The following VAPB variants were observed in gnomAD, a reference collection of about 807,000 sequenced individuals.
VAPB encodes the protein vesicle-associated membrane protein-associated protein B/C.
VAPB carries 7 observed loss-of-function variants against 25.6 expected under a neutral mutation model. The ratio of observed to expected loss-of-function variants is 0.27; its 90% CI spans 0.16 to 0.51. The LOEUF (loss-of-function observed/expected upper bound fraction) is 0.51. Among genes scored for constraint, VAPB ranks in the 20% least tolerant of loss-of-function variants. The pLI is 0.97. For missense variants in VAPB, 266 were observed against 301.3 expected, an observed-to-expected ratio of 0.88 and a Z score of 0.87; for synonymous variants, 112 against 109.2, an observed-to-expected ratio of 1.03 and a Z score of -0.16.
chr20:58,399,215 G>A (rs1221423172), intron 1 of VAPB, among the ~76,000 whole-genome samples: 1 of 151,836 alleles, frequency 6.6e-6, no homozygotes, highest in South Asian at 2.1e-4. Context: ...CAGGAGAACC[G>A]CTTCAGCTGG....
intron 1 of VAPB, among the ~76,000 whole-genome samples, chr20:58,403,094 G>A (rs764630997): frequency 5.3e-5 from 8 of 152,190 alleles, no homozygotes; most frequent in Non-Finnish European, 7.3e-5. Context: ...GGCAGGGCCC[G>A]TTATGTACAG....
At chr20:58,440,709 CA>C (rs1989140507) in intron 4 of VAPB, 197 bp from the exon 5 acceptor site, 1 of 517,650 alleles carries the variant, frequency 1.9e-6, no homozygotes, top group East Asian at 3.6e-5. Flanking sequence ...TGCCCTTATC[CA>C]TAATTTCTAG....
Position 58,446,357 on chromosome 20 carries a change from C to G in VAPB, c.*2122C>G, listed in dbSNP as rs768257969. ...TCCTGTAGCTTCCAGGCCCTCATGT[C>G]TTTGATAGGAGAGTGCTTAGGTGGT... On this transcript the variant is annotated 3_prime_UTR_variant, in exon 6 of 6. Transcript: ENST00000475243. The G allele has an allele frequency of 1.1e-5, 5 of 453,952 alleles. No homozygotes were observed. The highest frequency in any genetic ancestry group is 7.8e-5 in the South Asian group (5 of 64,474). 28.1% of individuals were successfully genotyped at this position (453,952 alleles called of 1,614,324 possible).
At chr20:58,389,635 G>C in intron 1 of VAPB, 118 bp downstream of exon 1, 1 of 1,152,172 alleles carries the variant, frequency 8.7e-7, no homozygotes, top group Non-Finnish European at 1.1e-6. Context: ...CGCTGTCGCG[G>C]GGGGCGGCGA....
At chr20:58,401,995 C>G (rs921346824) in intron 1 of VAPB, among the ~76,000 whole-genome samples, 1 of 152,190 alleles carries the variant, frequency 6.6e-6, no homozygotes, top group Admixed American at 6.5e-5. Context: ...CTGTAATAGC[C>G]TCTTAACTGG....
intron 2 of VAPB, among the ~76,000 whole-genome samples, chr20:58,423,452 A>G (rs1424749988): frequency 2.7e-5 from 4 of 146,156 alleles, no homozygotes; most frequent in African/African-American, 1.0e-4. Context: ...AAAAAAAAGA[A>G]AAGAAAAATC....
chr20:58,396,401 T>G lies in VAPB; in HGVS notation c.58+6884T>G, dbSNP rs549816188. On this transcript the variant is annotated intron_variant, in intron 1 of 5. Coordinates refer to ENST00000475243, the MANE Select transcript of VAPB (RefSeq NM_004738.5). ...CTTTGCCCATCTGGGAAGTGGAGACTAGGGCAATAAATGTTTTAGGGGTAG... is the reference window on the plus strand; with the variant it reads ...CTTTGCCCATCTGGGAAGTGGAGACGAGGGCAATAAATGTTTTAGGGGTAG... 9.2e-5 allele frequency among the ~76,000 whole-genome samples: 14 copies of G among 152,350 alleles called. 1 individual carries two copies. Among genetic ancestry groups the G allele is most frequent in the African/African-American group, 3.4e-4 (14 of 41,586 alleles).
rs1485733948 is a variant in VAPB at position 58,447,715 on chromosome 20, C to T, written c.*3480C>T. The T allele has an allele frequency of 4.4e-6, 2 of 453,874 alleles. No homozygotes were observed. Among genetic ancestry groups the T allele is most frequent in the Admixed American group, 4.7e-5 (2 of 42,574 alleles). The allele number at this position is 453,874 out of a possible 1,614,324, so 28.1% of individuals were successfully genotyped here. A position where few individuals can be genotyped will look rare whatever the true frequency, so the allele number is the denominator to read the frequency against. On this transcript the variant is annotated 3_prime_UTR_variant, in exon 6 of 6. Coordinates refer to ENST00000475243, the MANE Select transcript of VAPB (RefSeq NM_004738.5). ...TATGTGCCGTATGTCAGTAGCTTGA[C>T]AGTTTTCAAATCGTGCCTATATTTT...
chr20:58,431,084 A>T (rs997088484), intron 2 of VAPB: 37 of 152,230 alleles, frequency 2.4e-4, no homozygotes, highest in African/African-American at 8.4e-4. Context: ...CCAAAACTTG[A>T]CAAGTGTTAC....
intron 4 of VAPB, 106 bp downstream of exon 4, chr20:58,439,131 A>T (rs1456442614): frequency 2.8e-6 from 3 of 1,080,678 alleles, no homozygotes; most frequent in Non-Finnish European, 4.1e-6. Flanking sequence ...ATTTTCCTTT[A>T]TCTGATGTCT....
chr20:58,391,249 T>A (rs1987788132), intron 1 of VAPB, among the ~76,000 whole-genome samples: 1 of 152,196 alleles, frequency 6.6e-6, no homozygotes, highest in South Asian at 2.1e-4. Flanking sequence ...AGCCAAGTTA[T>A]ATCAGCTGTA....
At chr20:58,417,102 A>G (rs1428430974) in intron 1 of VAPB, among the ~76,000 whole-genome samples, 2 of 152,250 alleles carry the variant, frequency 1.3e-5, no homozygotes. Context: ...AGAGTAAAGG[A>G]CTTGCCTAGA....
At chr20:58,435,849 A>G (rs1009883253) in intron 3 of VAPB, among the ~76,000 whole-genome samples, 2 of 152,234 alleles carry the variant, frequency 1.3e-5, no homozygotes, top group African/African-American at 4.8e-5. Flanking sequence ...TGATCAAAGA[A>G]ACATGGCAGA....
rs747454737 is a variant in VAPB at position 58,418,180 on chromosome 20, A to AC, written c.59-26dup. 5.0e-6 allele frequency: 8 copies of AC among 1,613,780 alleles called. No individual in the cohort carries two copies. In the Admixed American group the frequency reaches 6.7e-5, roughly 13 times the overall value. The stretch of plus-strand genomic sequence containing the variant: ...AAACCTTCTAAACTTTCCTCATGAG[A>AC]CCCCCAATCAGTCTCTGTCTCATTC... On this transcript the variant is annotated intron_variant, in intron 1 of 5. Coordinates refer to ENST00000475243, the MANE Select transcript of VAPB (RefSeq NM_004738.5).
intron 4 of VAPB, 141 bp downstream of exon 4, chr20:58,439,166 A>G (rs1459756225): frequency 1.3e-6 from 1 of 769,112 alleles, no homozygotes; most frequent in East Asian, 2.7e-5. Flanking sequence ...AGCTGAAGTC[A>G]GCAAATAAGT....
chr20:58,420,818 G>T lies in VAPB; in HGVS notation c.211+2455G>T, dbSNP rs138258677. 2.2e-3 allele frequency among the ~76,000 whole-genome samples: 329 copies of T among 152,316 alleles called. 4 individuals carry two copies. The highest frequency in any genetic ancestry group is 0.015 in the South Asian group (73 of 4,828). ...TAGGACAGCCTTGCAAGTCAGCAAAGGAGGCCAGCCCCATTTGCTGCAGTT... is the reference window on the plus strand; with the variant it reads ...TAGGACAGCCTTGCAAGTCAGCAAATGAGGCCAGCCCCATTTGCTGCAGTT... On this transcript the variant is annotated intron_variant, in intron 2 of 5. Coordinates refer to ENST00000475243, the MANE Select transcript of VAPB (RefSeq NM_004738.5).
rs1416525390 is a variant in VAPB at position 58,449,461 on chromosome 20, A to C, written c.*5226A>C. ...ACTTGAGATTTTTTTTTCTTAATGG[A>C]ATTAGTTTATTAGAAAATGTCTGTG... On this transcript the variant is annotated 3_prime_UTR_variant, in exon 6 of 6. Transcript: ENST00000475243. The C allele has an allele frequency of 1.3e-5, 6 of 449,244 alleles. No individual in the cohort carries two copies. The highest frequency in any genetic ancestry group is 2.4e-5 in the Admixed American group (1 of 41,648). 27.8% of individuals were successfully genotyped at this position (449,244 alleles called of 1,614,324 possible).
intron 2 of VAPB, among the ~76,000 whole-genome samples, chr20:58,427,977 G>T (rs1373038230): frequency 6.6e-6 from 1 of 151,090 alleles, no homozygotes; most frequent in East Asian, 2.0e-4. Context: ...TCTGTGATCT[G>T]TTACCATTAT....
chr20:58,403,992 C>G (rs1017789552), intron 1 of VAPB, among the ~76,000 whole-genome samples: 3 of 152,166 alleles, frequency 2.0e-5, no homozygotes, highest in Admixed American at 2.0e-4. Flanking sequence ...ATCTCCTATG[C>G]CCTTTTGCTT....
Sources: gnomAD v4.1 joint callset for allele counts (sites outside exome capture counted in the v4.1 genomes callset) on GRCh38, gnomAD v4.1.1 for gene constraint, MANE v1.5 for transcripts, NCBI Gene and HGNC (gene_info 2026-07-23, HGNC 2026-07-21) for gene names.